The following MYO3B variants were observed in gnomAD, a reference collection of about 807,000 sequenced individuals.
The protein encoded by MYO3B is myosin-IIIb.
Under a neutral mutation model 174.6 loss-of-function variants are expected in MYO3B, and 156 were observed. That is an observed-to-expected ratio of 0.89 (90% confidence interval 0.78 to 1.02). MYO3B has a LOEUF of 1.02. Ranked by LOEUF, MYO3B falls within the 50% of genes least tolerant of loss-of-function variation. The pLI is 0.00. For missense variants in MYO3B, 1,632 were observed against 1,639.4 expected, an observed-to-expected ratio of 1.00 and a Z score of 0.08; for synonymous variants, 563 against 569.1, an observed-to-expected ratio of 0.99 and a Z score of 0.15.
At chr2:170,264,649 T>G (rs1380796882) in intron 7 of MYO3B, among the ~76,000 whole-genome samples, 1 of 152,190 alleles carries the variant, frequency 6.6e-6, no homozygotes, top group Non-Finnish European at 1.5e-5. Context: ...TTGGGTGCTA[T>G]GAGGGAAAGA....
chr2:170,328,233 T>A (rs1342077601), intron 7 of MYO3B, among the ~76,000 whole-genome samples: 7 of 152,098 alleles, frequency 4.6e-5, no homozygotes, highest in Non-Finnish European at 1.0e-4. Flanking sequence ...TCTTCGTCTG[T>A]GTCACGTATG....
intron 16 of MYO3B, among the ~76,000 whole-genome samples, chr2:170,392,913 A>G (rs2094422396): frequency 6.6e-6 from 1 of 151,290 alleles, no homozygotes. Flanking sequence ...AACGGGGGGT[A>G]GGAGTACAGG....
At chr2:170,279,097 T>TG (rs2093485917) in intron 7 of MYO3B, among the ~76,000 whole-genome samples, 2 of 152,066 alleles carry the variant, frequency 1.3e-5, no homozygotes, top group Non-Finnish European at 2.9e-5. Context: ...AACATGGGGG[T>TG]GCATGTATCC....
intron 16 of MYO3B, among the ~76,000 whole-genome samples, chr2:170,398,965 G>A (rs1208173346): frequency 6.6e-6 from 1 of 152,074 alleles, no homozygotes; most frequent in Non-Finnish European, 1.5e-5. Context: ...TCAGTTGTTG[G>A]TCAGGAGTGG....
chr2:170,650,956 T>C (rs1303913933), intron 32 of MYO3B, among the ~76,000 whole-genome samples: 1 of 128,096 alleles, frequency 7.8e-6, no homozygotes, highest in Non-Finnish European at 1.7e-5. Flanking sequence ...CGCCCAGCCA[T>C]GAATTATGAC....
intron 32 of MYO3B, among the ~76,000 whole-genome samples, chr2:170,578,597 C>T (rs1363402725): frequency 6.6e-6 from 1 of 152,186 alleles, no homozygotes; most frequent in East Asian, 1.9e-4. Flanking sequence ...TTACATTTTA[C>T]ATAATCTGTG....
chr2:170,573,610 C>A (rs188557087), intron 32 of MYO3B, among the ~76,000 whole-genome samples: 4 of 152,208 alleles, frequency 2.6e-5, no homozygotes, highest in Admixed American at 2.6e-4. Flanking sequence ...CTATAAAATT[C>A]TCCTAAAAAT....
At chr2:170,503,606 G>A (rs1212780030) in intron 28 of MYO3B, among the ~76,000 whole-genome samples, 2 of 150,950 alleles carry the variant, frequency 1.3e-5, no homozygotes, top group African/African-American at 4.9e-5. Flanking sequence ...AGCCTTGCAA[G>A]CACCCAGCAG....
intron 32 of MYO3B, among the ~76,000 whole-genome samples, chr2:170,548,548 C>T (rs934767043): frequency 1.3e-5 from 2 of 152,118 alleles, no homozygotes; most frequent in Non-Finnish European, 2.9e-5. Flanking sequence ...GTGGCATGAT[C>T]TGGGTTATGA....
At chr2:170,297,156 T>C (rs1203171054) in intron 7 of MYO3B, among the ~76,000 whole-genome samples, 1 of 152,174 alleles carries the variant, frequency 6.6e-6, no homozygotes. Flanking sequence ...TGATCTTCAA[T>C]AAACTTTTAT....
intron 25 of MYO3B, among the ~76,000 whole-genome samples, chr2:170,494,727 C>CAAAAAAAAAAAAAA (rs3066990): frequency 8.7e-5 from 8 of 92,028 alleles, no homozygotes; most frequent in East Asian, 3.2e-4. Context: ...AACTGCGTCT[C>CAAAAAAAAAAAAAA]AAAAAAAAAA....
intron 32 of MYO3B, chr2:170,641,539 T>C (rs979759739): frequency 6.6e-6 from 1 of 152,108 alleles, no homozygotes; most frequent in Non-Finnish European, 1.5e-5. Flanking sequence ...TAGAAAAACA[T>C]TGGAAACAAC....
chr2:170,453,409 T>TACACACACACACACACACACACACAC (rs35558091), intron 23 of MYO3B, among the ~76,000 whole-genome samples: 4 of 131,284 alleles, frequency 3.0e-5, no homozygotes, highest in Non-Finnish European at 6.4e-5. Flanking sequence ...GTTTACCATT[T>TACACACACACACACACACACACACAC]ACACACACAC....
intron 28 of MYO3B, among the ~76,000 whole-genome samples, chr2:170,514,005 G>A (rs1033565844): frequency 3.9e-5 from 6 of 152,216 alleles, no homozygotes; most frequent in African/African-American, 1.4e-4. Context: ...CAGAAGGAAG[G>A]TGCAAGAAGT....
Position 170,404,597 on chromosome 2 carries a change from A to T in MYO3B, c.2431+197A>T, listed in dbSNP as rs140741882. Reference sequence around the variant, plus strand: ...TAAAGCAAACCCATCGCTATTCCTAACACCTTCCCACTTTCCTATTCTTGC... The same window carrying T: ...TAAAGCAAACCCATCGCTATTCCTATCACCTTCCCACTTTCCTATTCTTGC... On this transcript the variant is annotated intron_variant, in intron 20 of 34. Transcript: ENST00000408978. Among the ~76,000 whole-genome samples, 49 of 152,174 alleles carry T rather than the reference A, an allele frequency of 3.2e-4. No individual in the cohort carries two copies. The East Asian group carries it at 7.9e-3, about 25-fold the overall frequency.
chr2:170,441,414 G>T (rs1353217747), intron 22 of MYO3B, among the ~76,000 whole-genome samples: 2 of 152,176 alleles, frequency 1.3e-5, no homozygotes, highest in African/African-American at 4.8e-5. Flanking sequence ...ACTGGAAAGG[G>T]ATCCCAATCC....
chr2:170,460,948 A>T (rs905188097), intron 23 of MYO3B, among the ~76,000 whole-genome samples: 2 of 152,186 alleles, frequency 1.3e-5, no homozygotes, highest in Non-Finnish European at 2.9e-5. Context: ...CACATCAAGG[A>T]TTTTTTGGTC....
chr2:170,297,258 A>G (rs988315484), intron 7 of MYO3B, among the ~76,000 whole-genome samples: 2 of 152,014 alleles, frequency 1.3e-5, no homozygotes, highest in East Asian at 3.9e-4. Flanking sequence ...TACCCCTTCC[A>G]TATTTTATAG....
chr2:170,434,647 G>A (rs1333820798), intron 22 of MYO3B, among the ~76,000 whole-genome samples: 3 of 152,166 alleles, frequency 2.0e-5, no homozygotes, highest in African/African-American at 7.2e-5. Context: ...AATGAGTCAG[G>A]GTGGAGTAGG....
Sources: gnomAD v4.1 joint callset for allele counts (sites outside exome capture counted in the v4.1 genomes callset) on GRCh38, gnomAD v4.1.1 for gene constraint, MANE v1.5 for transcripts, NCBI Gene and HGNC (gene_info 2026-07-23, HGNC 2026-07-21) for gene names.